Variants in FAH observed in about 807,000 individuals in gnomAD.
FAH encodes the protein fumarylacetoacetase.
A neutral mutation model predicts 55.8 loss-of-function variants in FAH; 47 were observed. That is an observed-to-expected ratio of 0.84 (90% CI 0.67 to 1.07). The LOEUF is 1.07. Among genes scored for constraint, FAH ranks in the 50% least tolerant of loss-of-function variants. The probability of loss-of-function intolerance (pLI) is 0.00; values close to 1 mark genes in which losing one functional copy is unlikely to be tolerated. For missense variants in FAH, 495 were observed against 545.9 expected (o/e 0.91, Z 0.93); for synonymous variants, 199 against 207.7 (o/e 0.96, Z 0.36).
At chr15:80,163,455 G>A (rs934107452) in intron 5 of FAH, 1 of 152,308 alleles carries the variant, frequency 6.6e-6, no homozygotes, top group African/African-American at 2.4e-5. Context: ...AGTGGCCAAA[G>A]GGCAGGGGCA....
intron 5 of FAH, among the ~76,000 whole-genome samples, chr15:80,164,375 A>G (rs1320002326): frequency 6.6e-6 from 1 of 152,192 alleles, no homozygotes; most frequent in African/African-American, 2.4e-5. Flanking sequence ...CCTTGTGATT[A>G]CATTTAGGGT....
chr15:80,172,096 T>G, intron 7 of FAH, 53 bp from the exon 8 acceptor site: 1 of 1,335,420 alleles, frequency 7.5e-7, no homozygotes. Context: ...AGGTGACAAG[T>G]GACCTGGGCG....
chr15:80,154,455 C>G (rs1190080851), intron 1 of FAH, among the ~76,000 whole-genome samples: 1 of 152,228 alleles, frequency 6.6e-6, no homozygotes, highest in African/African-American at 2.4e-5. Flanking sequence ...GCAGGGCAGC[C>G]ACTACAGATG....
intron 5 of FAH, among the ~76,000 whole-genome samples, chr15:80,165,236 C>G (rs890915805): frequency 1.3e-5 from 2 of 151,580 alleles, no homozygotes; most frequent in Admixed American, 1.3e-4. Flanking sequence ...ACTAAAAATA[C>G]AAAAATTAGC....
At chr15:80,179,076 A>G (rs138252927) in intron 11 of FAH, among the ~76,000 whole-genome samples, 1,619 of 152,338 alleles carry the variant, frequency 0.011, 20 homozygotes, top group Middle Eastern at 0.017. Context: ...ACATAGACTC[A>G]GCCTAGGGGT....
Position 80,186,151 on chromosome 15 carries a change from A to C in FAH, c.1202A>C (p.Tyr401Ser), listed in dbSNP as rs769494470. The C allele has an allele frequency of 1.9e-5, 30 of 1,614,134 alleles. No homozygotes were observed. The highest frequency in any genetic ancestry group is 2.5e-5 in the Non-Finnish European group (29 of 1,179,986). Residue 401 changes from tyrosine to serine, a missense_variant, in exon 14 of 14, where the codon TAC (tyrosine) becomes TCC (serine). Transcript: ENST00000561421. ...IITGYCQGDG[Y>S]RIGFGQCAGK... Reference sequence around the variant, plus strand: ...CCAGGGTACTGCCAGGGGGATGGTTACCGCATCGGCTTTGGCCAGTGTGCT... The same window carrying C: ...CCAGGGTACTGCCAGGGGGATGGTTCCCGCATCGGCTTTGGCCAGTGTGCT...
intron 1 of FAH, chr15:80,156,149 G>GT (rs2041097855): frequency 3.9e-6 from 1 of 254,632 alleles, no homozygotes; most frequent in Non-Finnish European, 7.8e-6. Context: ...GCCTTCCCAG[G>GT]CACTGGCGTT....
At chr15:80,183,521 G>A (rs1567122642) in intron 13 of FAH, among the ~76,000 whole-genome samples, 1 of 152,338 alleles carries the variant, frequency 6.6e-6, no homozygotes, top group East Asian at 1.9e-4. Flanking sequence ...CTGCTGAGCT[G>A]CTTTCTTGCT....
chr15:80,177,277 T>C, intron 10 of FAH: 1 of 513,796 alleles, frequency 1.9e-6, no homozygotes, highest in Non-Finnish European at 3.5e-6. Context: ...AGGCTACATA[T>C]GGACTCAGAG....
chr15:80,185,905 C>T (rs1456567839), intron 13 of FAH, among the ~76,000 whole-genome samples: 2 of 152,204 alleles, frequency 1.3e-5, no homozygotes, highest in Non-Finnish European at 2.9e-5. Context: ...CTCTGAGGAT[C>T]CCTGGCTGTG....
chr15:80,162,453 T>G (rs1595891323), intron 5 of FAH, 117 bp downstream of exon 5: 1 of 905,174 alleles, frequency 1.1e-6, no homozygotes, highest in East Asian at 2.5e-5. Context: ...GGAAAAGCAG[T>G]TATGATGTTG....
In FAH at chr15:80,159,827, G is replaced by C; in HGVS notation, c.264G>C (p.Leu88Phe). Residue 88 changes from leucine (L) to phenylalanine (F), a missense_variant, in exon 3 of 14, where the codon TTG (leucine) becomes TTC (phenylalanine). Transcript: ENST00000561421. ...AGGCGAGAGTGTTCTTGCAGAACTT[G>C]CTGTCTGTGAGCCAAGCCAGGCTCA... ...WKEARVFLQNLLSVSQARLRD... is the reference protein window; with the variant it reads ...WKEARVFLQNFLSVSQARLRD... The C allele has an allele frequency of 1.9e-6, 3 of 1,614,254 alleles. No individual in the cohort carries two copies. The highest frequency in any genetic ancestry group is 2.5e-6 in the Non-Finnish European group (3 of 1,180,040).
chr15:80,173,178 C>A, intron 9 of FAH, 34 bp downstream of exon 9: 1 of 1,614,134 alleles, frequency 6.2e-7, no homozygotes, highest in South Asian at 1.1e-5. Flanking sequence ...CTCCCAAACC[C>A]AGCCCTGCTG....
chr15:80,174,385 G>C (rs1036431411), intron 9 of FAH, among the ~76,000 whole-genome samples: 1 of 152,128 alleles, frequency 6.6e-6, no homozygotes, highest in Admixed American at 6.5e-5. Context: ...CTTCAGAGTG[G>C]CTCCCAGTTT....
chr15:80,168,106 C>T lies in FAH; in HGVS notation c.510C>T (p.Gly170=), dbSNP rs1567117418. Residue 170 remains glycine (G), a synonymous_variant, in exon 6 of 14, where the codon GGC becomes GGT. Transcript: ENST00000561421. The part of the protein sequence containing the change: ...HGRASSVVVS[G]TPIRRPMGQM... ...GTGCCTCCTCTGTCGTGGTGTCTGG[C>T]ACCCCAATCCGAAGGCCCATGGGAC... 3 of 1,614,186 alleles carry T rather than the reference C, an allele frequency of 1.9e-6. No homozygotes were observed. The highest frequency in any genetic ancestry group is 2.5e-6 in the Non-Finnish European group (3 of 1,180,036).
In FAH at chr15:80,172,143, T is replaced by C. The variant is rs80338896; in HGVS notation, c.607-6T>C. Reference sequence around the variant, plus strand: ...CCAGATTCTAATGAACTCTCCCCCATGTAAGGCTTTTTTTGTAGGCCCTGG... The same window carrying C: ...CCAGATTCTAATGAACTCTCCCCCACGTAAGGCTTTTTTTGTAGGCCCTGG... On this transcript the variant is annotated splice_region_variant and splice_polypyrimidine_tract_variant and intron_variant, in intron 7 of 13. Coordinates refer to ENST00000561421, the MANE Select transcript of FAH (RefSeq NM_000137.4). 3.1e-6 allele frequency: 5 copies of C among 1,609,524 alleles called. No individual in the cohort carries two copies. Among genetic ancestry groups the C allele is most frequent in the Non-Finnish European group, 3.4e-6 (4 of 1,176,040 alleles).
At position 80,172,337 on chromosome 15, in the gene FAH, G is replaced by A; in HGVS notation, c.706+89G>A. The A allele has an allele frequency of 7.3e-6, 7 of 952,888 alleles. 1 individual carries two copies. In the South Asian group the frequency reaches 7.8e-5, roughly 11 times the overall value. 59.0% of individuals were successfully genotyped at this position (952,888 alleles called of 1,614,324 possible). On this transcript the variant is annotated intron_variant, in intron 8 of 13. Coordinates refer to ENST00000561421, the MANE Select transcript of FAH (RefSeq NM_000137.4). ...TCATAGAAGCTGAAGATCTGGTGCA[G>A]GTCAAAAGTGGCAGGTGATGCAGTG...
At chr15:80,169,603 G>A (rs1413090981) in intron 7 of FAH, among the ~76,000 whole-genome samples, 1 of 151,334 alleles carries the variant, frequency 6.6e-6, no homozygotes, top group Admixed American at 6.6e-5. Flanking sequence ...GCACTATCTC[G>A]GCTCACTGCA....
At chr15:80,169,813 A>G (rs1332132407) in intron 7 of FAH, among the ~76,000 whole-genome samples, 1 of 152,208 alleles carries the variant, frequency 6.6e-6, no homozygotes, top group African/African-American at 2.4e-5. Context: ...GATTACAGGC[A>G]TGAGCCACCG....
Sources: allele counts gnomAD v4.1 joint callset (sites outside exome capture counted in the v4.1 genomes callset), GRCh38; gene constraint gnomAD v4.1.1; transcripts MANE v1.5; gene names NCBI Gene and HGNC (gene_info 2026-07-23, HGNC 2026-07-21).